The following POTEC variants were observed in gnomAD, a reference collection of about 807,000 sequenced individuals.
POTEC encodes POTE ankyrin domain family member C, also known as ANKRD26-like family B member 2.
A neutral mutation model predicts 62.0 loss-of-function variants in POTEC; 35 were observed. The ratio of observed to expected loss-of-function variants is 0.56; its 90% CI spans 0.43 to 0.75. POTEC has a LOEUF of 0.75. Ranked by LOEUF, POTEC falls within the 30% of genes least tolerant of loss-of-function variation. POTEC has a pLI of 0.00. For synonymous variants in POTEC, 156 were observed against 221.5 expected (o/e 0.70, Z 2.62); for missense variants, 472 against 655.9 (o/e 0.72, Z 3.06).
chr18:14,532,154 C>T (rs1203718173), intron 5 of POTEC, among the ~76,000 whole-genome samples: 1 of 151,924 alleles, frequency 6.6e-6, no homozygotes, highest in East Asian at 1.9e-4. Flanking sequence ...ATTATTTGAA[C>T]CCCTCTGACC....
chr18:14,514,735 C>A (rs1910103983), intron 9 of POTEC, among the ~76,000 whole-genome samples: 1 of 151,900 alleles, frequency 6.6e-6, no homozygotes, highest in South Asian at 2.1e-4. Flanking sequence ...AAATAAAGGG[C>A]ATCCAAATTG....
chr18:14,538,097 A>G (rs1905809353), intron 2 of POTEC, 38 bp downstream of exon 2: 1 of 1,481,416 alleles, frequency 6.8e-7, no homozygotes, highest in African/African-American at 1.4e-5. Context: ...TATTGAAATC[A>G]AACCCATCTC....
At chr18:14,516,928 G>GA (rs990470739) in intron 9 of POTEC, among the ~76,000 whole-genome samples, 1 of 151,282 alleles carries the variant, frequency 6.6e-6, no homozygotes, top group African/African-American at 2.4e-5. Context: ...AATTTAAAAA[G>GA]AGAGTAGAGT....
At chr18:14,527,039 C>T (rs141451506) in intron 6 of POTEC, among the ~76,000 whole-genome samples, 3,085 of 152,048 alleles carry the variant, frequency 0.02, 99 homozygotes, top group African/African-American at 0.07. Flanking sequence ...TGGGAAGGTG[C>T]TTTATAAAGT....
chr18:14,537,362 G>A (rs1186709830), intron 3 of POTEC, among the ~76,000 whole-genome samples: 2 of 151,682 alleles, frequency 1.3e-5, no homozygotes, highest in Non-Finnish European at 2.9e-5. Context: ...TTGCCACTGA[G>A]AGATACATCA....
chr18:14,537,322 C>T (rs1182142285), intron 3 of POTEC, among the ~76,000 whole-genome samples: 1 of 151,668 alleles, frequency 6.6e-6, no homozygotes, highest in Admixed American at 6.6e-5. Context: ...TCCACTTCTG[C>T]CTCATGAGCA....
At chr18:14,516,831 C>G (rs1008961803) in intron 9 of POTEC, among the ~76,000 whole-genome samples, 6 of 151,598 alleles carry the variant, frequency 4.0e-5, no homozygotes, top group Admixed American at 1.3e-4. Flanking sequence ...AATTTGCCAG[C>G]AGCAAACTGT....
intron 6 of POTEC, among the ~76,000 whole-genome samples, chr18:14,528,341 G>A (rs1910492982): frequency 6.6e-6 from 1 of 151,934 alleles, no homozygotes; most frequent in African/African-American, 2.4e-5. Flanking sequence ...CAAGTCTATT[G>A]GGATATTTAT....
chr18:14,534,541 G>C (rs981307217), intron 4 of POTEC, among the ~76,000 whole-genome samples: 21 of 151,842 alleles, frequency 1.4e-4, no homozygotes, highest in Non-Finnish European at 2.2e-4. Flanking sequence ...ATAAGATACA[G>C]AGGTTAAAAC....
At chr18:14,513,006 C>G (rs1910048708) in intron 10 of POTEC, among the ~76,000 whole-genome samples, 2 of 152,298 alleles carry the variant, frequency 1.3e-5, no homozygotes, top group South Asian at 4.1e-4. Context: ...TTTCTTTCCT[C>G]TTTATAATGT....
rs998016884 is a variant in POTEC, at chr18:14,543,532, C to A, written c.-386G>T. On this transcript the variant is annotated 5_prime_UTR_variant, in exon 1 of 11. Coordinates refer to ENST00000358970, the MANE Select transcript of POTEC (RefSeq NM_001137671.2). ...GCAAAGCGACTAACGCCAAGCCAAG[C>A]TAGGAACGCAAGGCCAAGCGAGGAA... 9 of 372,106 alleles carry A rather than the reference C, an allele frequency of 2.4e-5. No homozygotes were observed. Among genetic ancestry groups the A allele is most frequent in the Admixed American group, 4.7e-5 (1 of 21,290 alleles). The allele number at this position is 372,106 out of a possible 1,614,324, so 23.1% of individuals were successfully genotyped here.
At chr18:14,525,439 T>C (rs1262496576) in intron 6 of POTEC, among the ~76,000 whole-genome samples, 2 of 152,068 alleles carry the variant, frequency 1.3e-5, no homozygotes, top group African/African-American at 2.4e-5. Flanking sequence ...CCCACAGGTA[T>C]GGGCTCCAGA....
rs200065547 is a variant in POTEC, at chr18:14,511,789, T to G, written c.*109A>C. The G allele has an allele frequency of 9.8e-4, 1,163 of 1,183,566 alleles. No homozygotes were observed. The highest frequency in any genetic ancestry group is 1.2e-3 in the Non-Finnish European group (952 of 800,002). 73.3% of individuals were successfully genotyped at this position (1,183,566 alleles called of 1,614,324 possible). On this transcript the variant is annotated 3_prime_UTR_variant, in exon 11 of 11. Transcript: ENST00000358970. ...TTAAATATTGGTTTTCGTTAATGCT[T>G]CTTCATTCAATTGCATAGCCCTTAG...
intron 1 of POTEC, among the ~76,000 whole-genome samples, chr18:14,538,849 AT>A (rs1226110747): frequency 6.6e-6 from 1 of 152,196 alleles, no homozygotes; most frequent in Non-Finnish European, 1.5e-5. Flanking sequence ...ACCACTTATA[AT>A]TCATGATTTA....
intron 9 of POTEC, among the ~76,000 whole-genome samples, chr18:14,514,913 A>G (rs1326854487): frequency 1.3e-5 from 2 of 152,180 alleles, no homozygotes; most frequent in East Asian, 3.9e-4. Context: ...CACCAACTAC[A>G]ACCAAGCTGA....
At chr18:14,532,639 G>C (rs1905564683) in intron 5 of POTEC, among the ~76,000 whole-genome samples, 1 of 152,092 alleles carries the variant, frequency 6.6e-6, no homozygotes, top group African/African-American at 2.4e-5. Flanking sequence ...CTTGGATTTA[G>C]TGAACCCCTT....
At chr18:14,525,723 C>A (rs553789723) in intron 6 of POTEC, among the ~76,000 whole-genome samples, 1 of 151,414 alleles carries the variant, frequency 6.6e-6, no homozygotes, top group African/African-American at 2.4e-5. Context: ...TGGTGTGCAC[C>A]TAAATACAAT....
In POTEC at chr18:14,508,693, T is replaced by TA. The variant is rs1909911603; in HGVS notation, c.*3204dup. 6.6e-6 allele frequency: 1 copy of TA among 152,612 alleles called. No homozygotes were observed. The highest frequency in any genetic ancestry group is 2.4e-5 in the African/African-American group (1 of 41,446). The allele number at this position is 152,612 out of a possible 1,614,324, so 9.5% of individuals were successfully genotyped here. ...TCTTTCACTCAATGAACTTTGTTCCTACCCATATCCTGAACTCTGCTTGTA... is the reference window on the plus strand; with the variant it reads ...TCTTTCACTCAATGAACTTTGTTCCTAACCCATATCCTGAACTCTGCTTGTA... On this transcript the variant is annotated 3_prime_UTR_variant, in exon 11 of 11. Coordinates refer to ENST00000358970, the MANE Select transcript of POTEC (RefSeq NM_001137671.2).
intron 9 of POTEC, among the ~76,000 whole-genome samples, chr18:14,514,284 C>T (rs542367566): frequency 8.6e-5 from 13 of 151,704 alleles, no homozygotes; most frequent in East Asian, 3.9e-4. Flanking sequence ...CTAATGTCAC[C>T]GCTGATCTGA....
Sources: allele counts gnomAD v4.1 joint callset (sites outside exome capture counted in the v4.1 genomes callset), GRCh38; gene constraint gnomAD v4.1.1; transcripts MANE v1.5; gene names NCBI Gene and HGNC (gene_info 2026-07-23, HGNC 2026-07-21).